PKIB: variants seen among roughly 807,000 people sequenced by gnomAD.
The protein encoded by PKIB is PKI-beta.
PKIB carries 2 observed loss-of-function variants against 4.5 expected under a neutral mutation model. The observed-to-expected ratio is 0.44, with a 90% CI of 0.18 to 1.39. The LOEUF is 1.39. Among genes scored for constraint, PKIB ranks in the 40% most tolerant of loss-of-function variants. PKIB has a pLI of 0.27. For missense variants in PKIB, 94 were observed against 92.6 expected, an observed-to-expected ratio of 1.02 and a Z score of -0.06; for synonymous variants, 38 against 36.0, an observed-to-expected ratio of 1.06 and a Z score of -0.20.
chr6:122,638,121 A>G (rs375678556), intron 2 of PKIB, among the ~76,000 whole-genome samples: 7 of 152,230 alleles, frequency 4.6e-5, no homozygotes, highest in Admixed American at 1.3e-4. Flanking sequence ...TTCCTGTTTT[A>G]TGGAAGTTGA....
chr6:122,502,160 C>T (rs1776259302), intron 2 of PKIB, among the ~76,000 whole-genome samples: 1 of 151,600 alleles, frequency 6.6e-6, no homozygotes, highest in Non-Finnish European at 1.5e-5. Context: ...GCATTTTGGT[C>T]CAAAAAAAAT....
chr6:122,478,635 G>A (rs1464046699), intron 2 of PKIB: 2 of 152,104 alleles, frequency 1.3e-5, no homozygotes, highest in Non-Finnish European at 2.9e-5. Flanking sequence ...GCAGCGGGGG[G>A]TGGGGAAATA....
At chr6:122,703,718 C>T (rs931258439) in intron 3 of PKIB, among the ~76,000 whole-genome samples, 17 of 151,028 alleles carry the variant, frequency 1.1e-4, no homozygotes, top group African/African-American at 3.7e-4. Flanking sequence ...ATGCAGGTGC[C>T]GTTCTTATGT....
At chr6:122,623,878 A>G (rs1582749166) in intron 1 of PKIB, among the ~76,000 whole-genome samples, 1 of 152,036 alleles carries the variant, frequency 6.6e-6, no homozygotes, top group African/African-American at 2.4e-5. Context: ...CATTGGCAGG[A>G]GCAATCTGTT....
At chr6:122,632,100 G>T (rs2116058) in intron 1 of PKIB, among the ~76,000 whole-genome samples, 13 of 151,884 alleles carry the variant, frequency 8.6e-5, no homozygotes, top group Admixed American at 7.2e-4. Context: ...AGCTATGGCT[G>T]GGGAGAGTTG....
chr6:122,617,835 A>G (rs1167880490), intron 1 of PKIB, among the ~76,000 whole-genome samples: 1 of 152,060 alleles, frequency 6.6e-6, no homozygotes, highest in Non-Finnish European at 1.5e-5. Context: ...TTTTATTTTA[A>G]TTCTCACATG....
At chr6:122,586,703 A>G (rs1231575038) in intron 3 of PKIB, among the ~76,000 whole-genome samples, 1 of 152,076 alleles carries the variant, frequency 6.6e-6, no homozygotes, top group Non-Finnish European at 1.5e-5. Flanking sequence ...TACTCCTTAT[A>G]ATTGATGATA....
chr6:122,674,592 G>A lies in PKIB; in HGVS notation c.-75-486G>A, dbSNP rs111612756. Among the ~76,000 whole-genome samples, 587 of 152,298 alleles carry A rather than the reference G, an allele frequency of 3.9e-3. 2 individuals are homozygous for A. Among genetic ancestry groups the A allele is most frequent in the African/African-American group, 0.013 (546 of 41,552 alleles). ...TCGATTCCTTTGACATGATCCTTAT[G>A]TGGGTACTGGTAATATTGGTACAAT... On this transcript the variant is annotated intron_variant, in intron 2 of 4. Coordinates refer to ENST00000368452, the MANE Select transcript of PKIB (RefSeq NM_181795.3).
chr6:122,521,685 AAATAAT>A (rs374417068), intron 2 of PKIB, among the ~76,000 whole-genome samples: 1 of 151,934 alleles, frequency 6.6e-6, no homozygotes, highest in African/African-American at 2.4e-5. Flanking sequence ...ACCTCAATAA[AAATAAT>A]AATAATAATA....
intron 2 of PKIB, among the ~76,000 whole-genome samples, chr6:122,506,208 T>C (rs1239307193): frequency 3.3e-5 from 5 of 152,126 alleles, no homozygotes; most frequent in African/African-American, 1.2e-4. Flanking sequence ...GTGAAATCAA[T>C]ACAGGTGAAA....
intron 1 of PKIB, among the ~76,000 whole-genome samples, chr6:122,623,098 G>A (rs988912093): frequency 6.6e-6 from 1 of 152,088 alleles, no homozygotes. Flanking sequence ...TCTTACTTTG[G>A]TCATGTGGGC....
chr6:122,543,670 G>T (rs1324559244), intron 2 of PKIB, among the ~76,000 whole-genome samples: 1 of 151,946 alleles, frequency 6.6e-6, no homozygotes, highest in East Asian at 1.9e-4. Flanking sequence ...ATGAGCCACT[G>T]CACCTGGCTA....
chr6:122,622,571 G>T (rs1294387226), intron 1 of PKIB, among the ~76,000 whole-genome samples: 1 of 152,208 alleles, frequency 6.6e-6, no homozygotes, highest in Non-Finnish European at 1.5e-5. Flanking sequence ...GAGACAGTGA[G>T]CTGGGGGTGC....
intron 2 of PKIB, chr6:122,482,221 A>G (rs1175367018): frequency 6.6e-6 from 1 of 152,162 alleles, no homozygotes; most frequent in Non-Finnish European, 1.5e-5. Flanking sequence ...CGGCCTCCCA[A>G]AGTGCTGGGA....
intron 2 of PKIB, among the ~76,000 whole-genome samples, chr6:122,638,205 T>A (rs891848528): frequency 3.3e-5 from 5 of 152,294 alleles, no homozygotes; most frequent in Admixed American, 1.3e-4. Flanking sequence ...AGAGGAAGTA[T>A]GAAAGGAAAA....
chr6:122,558,523 T>C (rs533387993), intron 2 of PKIB, among the ~76,000 whole-genome samples: 3 of 152,244 alleles, frequency 2.0e-5, no homozygotes, highest in Non-Finnish European at 2.9e-5. Context: ...TAAGAAAAAA[T>C]GGGCTTCCAT....
intron 2 of PKIB, among the ~76,000 whole-genome samples, chr6:122,523,206 G>C (rs568761099): frequency 1.3e-5 from 2 of 152,234 alleles, no homozygotes; most frequent in East Asian, 3.9e-4. Context: ...TATTATGAGA[G>C]TTTGTTGAAT....
intron 1 of PKIB, among the ~76,000 whole-genome samples, chr6:122,475,373 A>T (rs1775426427): frequency 6.6e-6 from 1 of 152,262 alleles, no homozygotes; most frequent in South Asian, 2.1e-4. Context: ...CCATAAGGTT[A>T]TGCTGGGTGC....
intron 3 of PKIB, among the ~76,000 whole-genome samples, chr6:122,591,728 T>G (rs1774025386): frequency 6.6e-6 from 1 of 152,108 alleles, no homozygotes; most frequent in South Asian, 2.1e-4. Flanking sequence ...TTTTATTTTT[T>G]TGAGACAAAA....
Sources: allele counts gnomAD v4.1 joint callset (sites outside exome capture counted in the v4.1 genomes callset), GRCh38; gene constraint gnomAD v4.1.1; transcripts MANE v1.5; gene names NCBI Gene and HGNC (gene_info 2026-07-23, HGNC 2026-07-21).